The following PRKN variants were observed in gnomAD, a reference collection of about 807,000 sequenced individuals.
PRKN encodes parkin RBR E3 ubiquitin protein ligase.
A neutral mutation model predicts 59.5 loss-of-function variants in PRKN; 56 were observed. That is an observed-to-expected ratio of 0.94 (90% CI 0.76 to 1.18). The LOEUF is 1.18. Ranked by LOEUF, PRKN falls within the 50% of genes most tolerant of loss-of-function variation. The pLI, the probability that PRKN is intolerant of heterozygous loss-of-function variation, is 0.00. For missense variants in PRKN, 657 were observed against 596.4 expected, an observed-to-expected ratio of 1.10 and a Z score of -1.06; for synonymous variants, 250 against 222.1, an observed-to-expected ratio of 1.13 and a Z score of -1.12.
intron 3 of PRKN, among the ~76,000 whole-genome samples, chr6:162,246,304 C>T (rs1269037562): frequency 1.3e-5 from 2 of 151,966 alleles, no homozygotes; most frequent in Non-Finnish European, 2.9e-5. Flanking sequence ...TAGAGGAAAC[C>T]CCGTGAGAGG....
At chr6:161,433,294 A>G (rs1562445634) in intron 9 of PRKN, among the ~76,000 whole-genome samples, 1 of 152,192 alleles carries the variant, frequency 6.6e-6, no homozygotes, top group East Asian at 1.9e-4. Context: ...GCGGCATCTC[A>G]GTAAGTTGGA....
intron 6 of PRKN, among the ~76,000 whole-genome samples, chr6:161,858,858 C>CTTTTGTTTTTTTTTTTTT (rs1793765586): frequency 1.4e-5 from 1 of 71,936 alleles, no homozygotes; most frequent in Non-Finnish European, 2.7e-5. Flanking sequence ...CACAGCTGTA[C>CTTTTGTTTTTTTTTTTTT]TTTTTTTTTT....
intron 9 of PRKN, among the ~76,000 whole-genome samples, chr6:161,519,603 G>A (rs1168497419): frequency 6.6e-6 from 1 of 152,174 alleles, no homozygotes; most frequent in Non-Finnish European, 1.5e-5. Flanking sequence ...GAACTTACAA[G>A]GGTACCATGA....
intron 4 of PRKN, among the ~76,000 whole-genome samples, chr6:162,070,319 A>G (rs1182141818): frequency 1.3e-5 from 2 of 152,204 alleles, no homozygotes; most frequent in African/African-American, 4.8e-5. Flanking sequence ...CTCATTTTGT[A>G]ATAGAACAAC....
rs766949960 is a variant in PRKN, at chr6:161,352,755, G to GTGTGTATATATA, written c.1286-2545_1286-2544insTATATATACACA. Among the ~76,000 whole-genome samples the GTGTGTATATATA allele has an allele frequency of 1.0e-4, 14 of 134,378 alleles. No homozygotes were observed. Among genetic ancestry groups the GTGTGTATATATA allele is most frequent in the African/African-American group, 3.9e-4 (14 of 35,726 alleles). 88.2% of individuals were successfully genotyped at this position (134,378 alleles called of 152,430 possible). A position where few individuals can be genotyped will look rare whatever the true frequency, so the allele number is the denominator to read the frequency against. On this transcript the variant is annotated intron_variant, in intron 11 of 11. Coordinates refer to ENST00000366898, the MANE Select transcript of PRKN (RefSeq NM_004562.3). This position sits in a 1 kb window ranked among gnomAD's most constrained non-coding sequence, Gnocchi z 5.8. ...TGTGTGTGTGTGTGTGTGTGTGTGTGTATATATATATATATATTTTATTTT... is the reference window on the plus strand; with the variant it reads ...TGTGTGTGTGTGTGTGTGTGTGTGTGTGTGTATATATATATATATATATATATATTTTATTTT...
chr6:162,612,028 A>G (rs1439823923), intron 1 of PRKN, among the ~76,000 whole-genome samples: 1 of 138,104 alleles, frequency 7.2e-6, no homozygotes, highest in African/African-American at 2.6e-5. Context: ...TACTAAAAAT[A>G]CGAAAAAAAA....
At chr6:161,557,746 G>A (rs994727512) in intron 8 of PRKN, among the ~76,000 whole-genome samples, 2 of 152,210 alleles carry the variant, frequency 1.3e-5, no homozygotes, top group Non-Finnish European at 2.9e-5. Context: ...TGAGAAAAAT[G>A]GCACATGTTC....
chr6:161,940,900 C>T (rs1202545834), intron 6 of PRKN, among the ~76,000 whole-genome samples: 7 of 152,130 alleles, frequency 4.6e-5, no homozygotes, highest in Non-Finnish European at 8.8e-5. Flanking sequence ...TTTGTGGTCT[C>T]CTAATGCATT....
rs2128175032 is a variant in PRKN at position 162,463,189 on chromosome 6, A to G, written c.8-19716T>C. Among the ~76,000 whole-genome samples the G allele has an allele frequency of 2.6e-5, 4 of 152,284 alleles. No individual in the cohort carries two copies. In the East Asian group the frequency reaches 7.7e-4, roughly 29 times the overall value. On this transcript the variant is annotated intron_variant, in intron 1 of 11. Coordinates refer to ENST00000366898, the MANE Select transcript of PRKN (RefSeq NM_004562.3). ...TATTAAATCATTTAACTCTCCTTGTAGTTTCCTCTGTTATTAAATGATGAG... is the reference window on the plus strand; with the variant it reads ...TATTAAATCATTTAACTCTCCTTGTGGTTTCCTCTGTTATTAAATGATGAG...
At chr6:162,483,307 T>C (rs1204322881) in intron 1 of PRKN, among the ~76,000 whole-genome samples, 3 of 151,980 alleles carry the variant, frequency 2.0e-5, no homozygotes, top group South Asian at 2.1e-4. Flanking sequence ...CTTTGGGGAG[T>C]TGCGATTGTT....
intron 1 of PRKN, among the ~76,000 whole-genome samples, chr6:162,605,581 T>C (rs963386571): frequency 2.0e-5 from 3 of 152,268 alleles, no homozygotes; most frequent in Admixed American, 2.0e-4. Flanking sequence ...TAGGTTGATA[T>C]AATTCATTAA....
intron 1 of PRKN, among the ~76,000 whole-genome samples, chr6:162,557,085 T>C (rs1209623978): frequency 6.6e-6 from 1 of 152,216 alleles, no homozygotes; most frequent in Non-Finnish European, 1.5e-5. Flanking sequence ...GAAACCCCGA[T>C]GTTGCCAGCA....
intron 4 of PRKN, among the ~76,000 whole-genome samples, chr6:162,107,614 G>T (rs1237879370): frequency 6.6e-6 from 1 of 152,202 alleles, no homozygotes; most frequent in Non-Finnish European, 1.5e-5. Flanking sequence ...CTGACCAGGA[G>T]AGGTACATGC....
chr6:162,246,681 T>G (rs1779212517), intron 3 of PRKN, among the ~76,000 whole-genome samples: 1 of 152,160 alleles, frequency 6.6e-6, no homozygotes, highest in Non-Finnish European at 1.5e-5. Context: ...GTGATAAGGT[T>G]TCTATTTTAC....
intron 1 of PRKN, among the ~76,000 whole-genome samples, chr6:162,687,225 G>A (rs547926468): frequency 2.1e-5 from 3 of 142,184 alleles, no homozygotes; most frequent in Non-Finnish European, 4.5e-5. Flanking sequence ...TCACTCTGTC[G>A]TCCAGGCTAG....
intron 1 of PRKN, among the ~76,000 whole-genome samples, chr6:162,458,755 A>G (rs62430728): frequency 0.13 from 19,088 of 152,012 alleles, 1,459 homozygotes; most frequent in East Asian, 0.34. Context: ...TTTTAGGATA[A>G]AGAAAATGAA....
intron 9 of PRKN, among the ~76,000 whole-genome samples, chr6:161,528,125 A>C (rs998068768): frequency 3.3e-5 from 5 of 152,234 alleles, no homozygotes; most frequent in South Asian, 2.1e-4. Flanking sequence ...TCACTGTTAA[A>C]GTAATCCTCA....
chr6:162,266,298 TTGTG>T (rs60841593), intron 2 of PRKN, among the ~76,000 whole-genome samples: 4,486 of 146,128 alleles, frequency 0.031, 179 homozygotes, highest in African/African-American at 0.096. Context: ...TACATATATA[TTGTG>T]TGTGTGTGTG....
At position 161,352,699 on chromosome 6, in the gene PRKN, CAT is replaced by C. The variant is rs1161392585; in HGVS notation, c.1286-2490_1286-2489del. 7.0e-6 allele frequency among the ~76,000 whole-genome samples: 1 copy of C among 141,932 alleles called. No individual in the cohort carries two copies. Among genetic ancestry groups the C allele is most frequent in the Non-Finnish European group, 1.5e-5 (1 of 64,654 alleles). 93.1% of individuals were successfully genotyped at this position (141,932 alleles called of 152,430 possible). On this transcript the variant is annotated intron_variant, in intron 11 of 11. Transcript: ENST00000366898. This position sits in a 1 kb window ranked among gnomAD's most constrained non-coding sequence, Gnocchi z 5.8. ...TATTGTGATATTTAATATATATAAG[CAT>C]ATATAAACACAAATATGTATGAAGA... is the stretch of plus-strand genomic sequence containing the variant.
Sources: gnomAD v4.1 joint callset for allele counts (sites outside exome capture counted in the v4.1 genomes callset) on GRCh38, gnomAD v4.1.1 for gene constraint, Gnocchi (gnomAD v3.1) non-coding constraint, MANE v1.5 for transcripts, NCBI Gene and HGNC (gene_info 2026-07-23, HGNC 2026-07-21) for gene names.